PTPRG: variants seen among roughly 807,000 people sequenced by gnomAD.
The protein encoded by PTPRG is protein tyrosine phosphatase receptor type G, also known as receptor-type tyrosine-protein phosphatase gamma.
In PTPRG, 102 loss-of-function variants were observed where a neutral mutation model predicts 165.3. The observed-to-expected ratio is 0.62, with a 90% CI of 0.53 to 0.73. The LOEUF is 0.73. Ranked by LOEUF, PTPRG falls within the 30% of genes least tolerant of loss-of-function variation. PTPRG has a pLI of 0.00. For missense variants in PTPRG, 1,866 were observed against 1,861.4 expected (o/e 1.00, Z -0.05); for synonymous variants, 675 against 669.5 (o/e 1.01, Z -0.13).
intron 28 of PTPRG, among the ~76,000 whole-genome samples, chr3:62,290,212 A>C (rs1247269272): frequency 1.3e-5 from 2 of 152,166 alleles, no homozygotes; most frequent in African/African-American, 4.8e-5. Flanking sequence ...AAGCTATAAA[A>C]GGCCTGAATA....
intron 4 of PTPRG, among the ~76,000 whole-genome samples, chr3:62,055,307 A>C (rs1700597761): frequency 6.6e-6 from 1 of 152,246 alleles, no homozygotes; most frequent in South Asian, 2.1e-4. Context: ...ATGTGTTAAA[A>C]AATGTAAAGG....
At chr3:61,774,267 C>T (rs1189757107) in intron 2 of PTPRG, among the ~76,000 whole-genome samples, 1 of 152,228 alleles carries the variant, frequency 6.6e-6, no homozygotes, top group African/African-American at 2.4e-5. Flanking sequence ...ATTCATGCTA[C>T]TCTGGCCAGC....
At chr3:61,732,187 C>G (rs915732649) in intron 1 of PTPRG, among the ~76,000 whole-genome samples, 1 of 152,112 alleles carries the variant, frequency 6.6e-6, no homozygotes, top group Non-Finnish European at 1.5e-5. Flanking sequence ...ATTTATATAA[C>G]CCAGTATATC....
chr3:61,936,216 T>C (rs2039480598), intron 2 of PTPRG, among the ~76,000 whole-genome samples: 1 of 152,228 alleles, frequency 6.6e-6, no homozygotes, highest in African/African-American at 2.4e-5. Flanking sequence ...TTCTGTTCTT[T>C]ATCAATTACT....
rs1487754734 is a variant in PTPRG at position 62,203,869 on chromosome 3, A to G, written c.2074A>G (p.Arg692Gly). Reference sequence around the variant, plus strand: ...GCAGTATGCAGGGAGTGATCCCAAGAGGCCCGAAATGCCATCTAAAAAGCC... The same window carrying G: ...GCAGTATGCAGGGAGTGATCCCAAGGGGCCCGAAATGCCATCTAAAAAGCC... ...EEQYAGSDPK[R>G]PEMPSKKPMS... The change falls in exon 12 of 30, where the codon AGG becomes GGG. Residue 692 changes from arginine to glycine, a missense_variant. Physicochemically the swap from Arg to Gly is moderately radical, Grantham distance 125. This residue lies in a region of PTPRG where 1,452 missense variants were observed against 1,463.0 expected (regional missense o/e 0.99). Transcript: ENST00000474889. The surrounding 1 kb of genome is among the most constrained non-coding windows in gnomAD (Gnocchi z 6.4). 6.8e-6 allele frequency: 11 copies of G among 1,613,768 alleles called. No individual in the cohort carries two copies. Among genetic ancestry groups the G allele is most frequent in the African/African-American group, 2.7e-5 (2 of 74,932 alleles).
At chr3:61,861,640 A>G (rs887900831) in intron 2 of PTPRG, among the ~76,000 whole-genome samples, 11 of 152,190 alleles carry the variant, frequency 7.2e-5, no homozygotes, top group South Asian at 4.1e-4. Context: ...ATCAGTCACA[A>G]TAGTTTTCAC....
chr3:61,897,782 G>A (rs2038396100), intron 2 of PTPRG, among the ~76,000 whole-genome samples: 3 of 152,106 alleles, frequency 2.0e-5, no homozygotes. Context: ...TACAGATACT[G>A]TACATGTTTT....
chr3:62,267,422 G>C lies in PTPRG; in HGVS notation c.2669G>C (p.Arg890Thr). The C allele has an allele frequency of 6.2e-7, 1 of 1,604,584 alleles. No homozygotes were observed. The highest frequency in any genetic ancestry group is 8.5e-7 in the Non-Finnish European group (1 of 1,172,852). ...TTATCTTCTATAGATGATCACAGTA[G>C]GGTGAAGTTAAGACCTTTACCAGGA... Reference protein sequence around the residue: ...YINILAYDHSRVKLRPLPGKD... With the variant: ...YINILAYDHSTVKLRPLPGKD... Residue 890 changes from arginine to threonine, a missense_variant, in exon 18 of 30, where the codon AGG (arginine) becomes ACG (threonine). Transcript: ENST00000474889.
At chr3:61,962,541 C>T (rs543543962) in intron 2 of PTPRG, among the ~76,000 whole-genome samples, 2 of 151,420 alleles carry the variant, frequency 1.3e-5, no homozygotes, top group African/African-American at 2.4e-5. Flanking sequence ...TATTAAGGCT[C>T]ATTTTTTTAT....
chr3:61,825,622 C>T (rs1220310655), intron 2 of PTPRG, among the ~76,000 whole-genome samples: 1 of 151,276 alleles, frequency 6.6e-6, no homozygotes, highest in Non-Finnish European at 1.5e-5. Flanking sequence ...GGTCTTAGTT[C>T]TACCACTTGG....
At chr3:61,775,141 G>A (rs1412005395) in intron 2 of PTPRG, among the ~76,000 whole-genome samples, 1 of 152,056 alleles carries the variant, frequency 6.6e-6, no homozygotes, top group Non-Finnish European at 1.5e-5. Context: ...CACAATCTTG[G>A]CTCGCTGCAA....
At chr3:61,842,485 G>A (rs1299560350) in intron 2 of PTPRG, among the ~76,000 whole-genome samples, 1 of 152,056 alleles carries the variant, frequency 6.6e-6, no homozygotes, top group Admixed American at 6.6e-5. Context: ...TTGTATTCCA[G>A]GGCAAGAGAG....
chr3:62,045,026 A>G (rs1026756973), intron 4 of PTPRG, among the ~76,000 whole-genome samples: 1 of 152,140 alleles, frequency 6.6e-6, no homozygotes, highest in African/African-American at 2.4e-5. Flanking sequence ...ATTTGCATTC[A>G]TTGTAAGAAT....
chr3:61,836,125 C>T (rs1035634508), intron 2 of PTPRG, among the ~76,000 whole-genome samples: 3 of 142,140 alleles, frequency 2.1e-5, no homozygotes, highest in Non-Finnish European at 4.5e-5. Context: ...AGATTAATGG[C>T]TCTTTGGATA....
Position 62,201,839 on chromosome 3 carries a change from TA to T in PTPRG, c.1377+288del, listed in dbSNP as rs758309731. Among the ~76,000 whole-genome samples, 9 of 152,334 alleles carry T rather than the reference TA, an allele frequency of 5.9e-5. No homozygotes were observed. In the East Asian group the frequency reaches 1.2e-3, roughly 20 times the overall value. The stretch of plus-strand genomic sequence containing the variant: ...AGACGATGCAGGACCACAAAGGAGT[TA>T]AATCTGTTCCAACCCTTTCATTTGA... On this transcript the variant is annotated intron_variant, in intron 11 of 29. Coordinates refer to ENST00000474889, the MANE Select transcript of PTPRG (RefSeq NM_002841.4).
intron 2 of PTPRG, among the ~76,000 whole-genome samples, chr3:61,894,600 T>C (rs923334646): frequency 1.3e-5 from 2 of 152,178 alleles, no homozygotes; most frequent in Admixed American, 1.3e-4. Context: ...TTACAGATAA[T>C]AGAGACTTAC....
rs181338188 is a variant in PTPRG at position 62,133,512 on chromosome 3, T to A, written c.682+844T>A. ...AACTCCATAGAGCTTAACAAACATC[T>A]TCCCCCTCTCTTTCCGTGAAACTAA... On this transcript the variant is annotated intron_variant, in intron 6 of 29. Transcript: ENST00000474889. Among the ~76,000 whole-genome samples the A allele has an allele frequency of 4.5e-4, 68 of 152,328 alleles. 1 individual carries two copies. The South Asian group carries it at 1.0e-2, about 22-fold the overall frequency.
intron 4 of PTPRG, among the ~76,000 whole-genome samples, chr3:62,033,414 A>G (rs9836805): frequency 2.7e-3 from 391 of 145,406 alleles, no homozygotes; most frequent in African/African-American, 9.2e-3. Context: ...CCCAGGCTAG[A>G]GTGCAGTAGT....
At chr3:62,272,194 T>C (rs2148874051) in intron 21 of PTPRG, among the ~76,000 whole-genome samples, 1 of 152,310 alleles carries the variant, frequency 6.6e-6, no homozygotes, top group Non-Finnish European at 1.5e-5. Flanking sequence ...CACAAGAACT[T>C]TCCACACTAG....
Sources: gnomAD v4.1 joint callset for allele counts (sites outside exome capture counted in the v4.1 genomes callset) on GRCh38, gnomAD v4.1.1 for gene constraint, gnomAD v4.1.1 regional missense constraint, Gnocchi (gnomAD v3.1) non-coding constraint, MANE v1.5 for transcripts, NCBI Gene and HGNC (gene_info 2026-07-23, HGNC 2026-07-21) for gene names.